Variants in ERI3 observed in about 807,000 individuals in gnomAD.
ERI3 encodes the protein ERI1 exoribonuclease 3.
A neutral mutation model predicts 44.4 loss-of-function variants in ERI3; 18 were observed. That is an observed-to-expected ratio of 0.41 (90% confidence interval 0.28 to 0.60). The LOEUF is 0.60. Among genes scored for constraint, ERI3 ranks in the 20% least tolerant of loss-of-function variants. The pLI, the probability that ERI3 is intolerant of heterozygous loss-of-function variation, is 0.36. For missense variants in ERI3, 294 were observed against 435.5 expected (o/e 0.68, Z 2.89); for synonymous variants, 183 against 164.8 (o/e 1.11, Z -0.84).
intron 3 of ERI3, among the ~76,000 whole-genome samples, chr1:44,331,225 A>T (rs1377836492): frequency 2.0e-5 from 3 of 151,762 alleles, no homozygotes; most frequent in Non-Finnish European, 4.4e-5. Flanking sequence ...TCAGCCAGCT[A>T]TTTATCTTTT....
intron 7 of ERI3, among the ~76,000 whole-genome samples, chr1:44,259,488 G>A (rs1201938964): frequency 6.6e-6 from 1 of 152,120 alleles, no homozygotes; most frequent in Non-Finnish European, 1.5e-5. Flanking sequence ...TGTTTCCTAA[G>A]GCCATTCAGG....
intron 7 of ERI3, among the ~76,000 whole-genome samples, chr1:44,267,021 G>A (rs1168313954): frequency 6.6e-6 from 1 of 152,210 alleles, no homozygotes; most frequent in Non-Finnish European, 1.5e-5. Context: ...TAGAGCAATA[G>A]GAGCAGGTGG....
At chr1:44,223,173 G>A (rs1286506489) in intron 8 of ERI3, among the ~76,000 whole-genome samples, 1 of 152,206 alleles carries the variant, frequency 6.6e-6, no homozygotes, top group Non-Finnish European at 1.5e-5. Context: ...CAGAACAGTG[G>A]AAAGACAGAT....
intron 8 of ERI3, among the ~76,000 whole-genome samples, chr1:44,226,778 AACACACACACACACAC>A (rs60011057): frequency 1.7e-4 from 24 of 143,468 alleles, no homozygotes; most frequent in Admixed American, 6.9e-4. Context: ...AGCATTATTA[AACACACACACACACAC>A]ACACACACAC....
intron 8 of ERI3, among the ~76,000 whole-genome samples, chr1:44,236,800 G>T (rs541609370): frequency 6.6e-6 from 1 of 152,248 alleles, no homozygotes; most frequent in Admixed American, 6.5e-5. Context: ...CCGCCAAAAT[G>T]ATCAAGCTGT....
intron 2 of ERI3, among the ~76,000 whole-genome samples, chr1:44,347,168 C>G (rs1438115121): frequency 6.6e-6 from 1 of 152,186 alleles, no homozygotes; most frequent in Non-Finnish European, 1.5e-5. Flanking sequence ...CAATGCATAT[C>G]AACTGCAGTT....
At chr1:44,258,305 T>C (rs1470119235) in intron 7 of ERI3, among the ~76,000 whole-genome samples, 1 of 152,196 alleles carries the variant, frequency 6.6e-6, no homozygotes, top group African/African-American at 2.4e-5. Context: ...GCTTTCCAAA[T>C]TAAAATATAA....
intron 8 of ERI3, among the ~76,000 whole-genome samples, chr1:44,236,688 AG>A (rs921435335): frequency 2.2e-4 from 33 of 152,062 alleles, no homozygotes; most frequent in Middle Eastern, 3.4e-3. Flanking sequence ...GAGTGGCTTA[AG>A]GGGGGCAGGA....
At chr1:44,278,073 C>A (rs1213292782) in intron 7 of ERI3, among the ~76,000 whole-genome samples, 3 of 152,100 alleles carry the variant, frequency 2.0e-5, no homozygotes, top group Non-Finnish European at 4.4e-5. Flanking sequence ...CACATGTAAT[C>A]AATACAGAAA....
chr1:44,262,892 T>C (rs76491074), intron 7 of ERI3, among the ~76,000 whole-genome samples: 1,847 of 152,238 alleles, frequency 0.012, 71 homozygotes, highest in East Asian at 0.069. Flanking sequence ...AACTCAGCCT[T>C]TCTCTGGGCC....
intron 7 of ERI3, among the ~76,000 whole-genome samples, chr1:44,275,019 C>A (rs754894882): frequency 1.3e-5 from 2 of 152,184 alleles, no homozygotes; most frequent in African/African-American, 4.8e-5. Context: ...AAGACCGAGA[C>A]CACAGCCCCA....
chr1:44,242,812 C>T (rs1275574297), intron 8 of ERI3, among the ~76,000 whole-genome samples: 1 of 152,114 alleles, frequency 6.6e-6, no homozygotes, highest in African/African-American at 2.4e-5. Context: ...TTCAGAGGGA[C>T]CCGGGAAACT....
Position 44,339,340 on chromosome 1 carries a change from TAAAAAAAAA to T in ERI3, c.212-27_212-19del, listed in dbSNP as rs372090718. ...ATCTAAAACTTAGGGGAGGAAAGTT[TAAAAAAAAA>T]AAAAAAAAAGAAAAGAAAGAAAAAA... On this transcript the variant is annotated intron_variant, in intron 2 of 8. Coordinates refer to ENST00000372257, the MANE Select transcript of ERI3 (RefSeq NM_024066.3). The T allele has an allele frequency of 1.1e-5, 11 of 975,752 alleles. No individual in the cohort carries two copies. The highest frequency in any genetic ancestry group is 2.6e-5 in the African/African-American group (1 of 38,134). 60.4% of individuals were successfully genotyped at this position (975,752 alleles called of 1,614,324 possible).
chr1:44,317,838 A>C (rs959058321), intron 4 of ERI3, among the ~76,000 whole-genome samples: 1 of 152,116 alleles, frequency 6.6e-6, no homozygotes. Context: ...CCTCTGGGTG[A>C]GGGGAGCTAG....
rs1159794466 is a variant in ERI3, at chr1:44,221,529, C to G, written c.*29G>C. ...TTCTGGGCTGGGCCAAACAGCTACC[C>G]TGTCCTGCCCCATCCTGTCCTCGGC... On this transcript the variant is annotated 3_prime_UTR_variant, in exon 9 of 9. Coordinates refer to ENST00000372257, the MANE Select transcript of ERI3 (RefSeq NM_024066.3). This position sits in a 1 kb window ranked among gnomAD's most constrained non-coding sequence, Gnocchi z 5.9. 6.3e-7 allele frequency: 1 copy of G among 1,595,224 alleles called. No individual in the cohort carries two copies. Among genetic ancestry groups the G allele is most frequent in the Admixed American group, 1.7e-5 (1 of 59,996 alleles).
At chr1:44,336,447 C>T (rs941774458) in intron 3 of ERI3, among the ~76,000 whole-genome samples, 2 of 152,206 alleles carry the variant, frequency 1.3e-5, no homozygotes, top group Admixed American at 6.5e-5. Context: ...CTCACCTTCC[C>T]AACTGTTGAT....
chr1:44,269,960 C>T (rs905695959), intron 7 of ERI3, among the ~76,000 whole-genome samples: 1 of 152,200 alleles, frequency 6.6e-6, no homozygotes, highest in East Asian at 1.9e-4. Context: ...GGGCTCAATG[C>T]ATTGGTGTTC....
At chr1:44,276,481 G>GT (rs1178286812) in intron 7 of ERI3, among the ~76,000 whole-genome samples, 5 of 152,088 alleles carry the variant, frequency 3.3e-5, no homozygotes, top group African/African-American at 1.2e-4. Context: ...CATCCTTTCT[G>GT]TTTTTTGATT....
chr1:44,343,865 G>A (rs1392122356), intron 2 of ERI3, among the ~76,000 whole-genome samples: 1 of 152,064 alleles, frequency 6.6e-6, no homozygotes, highest in Non-Finnish European at 1.5e-5. Flanking sequence ...ACCCTCAAAT[G>A]GTTCAGGGAA....
Sources: allele counts gnomAD v4.1 joint callset (sites outside exome capture counted in the v4.1 genomes callset), GRCh38; gene constraint gnomAD v4.1.1; non-coding constraint Gnocchi (gnomAD v3.1); transcripts MANE v1.5; gene names NCBI Gene and HGNC (gene_info 2026-07-23, HGNC 2026-07-21).